Variants in IQSEC1 observed in about 807,000 individuals in gnomAD.
IQSEC1 encodes IQ motif and SEC7 domain-containing protein 1.
IQSEC1 carries 31 observed loss-of-function variants against 91.0 expected under a neutral mutation model. That is an observed-to-expected ratio of 0.34 (90% CI 0.26 to 0.46). The LOEUF is 0.46. Among genes scored for constraint, IQSEC1 ranks in the 20% least tolerant of loss-of-function variants. The probability of loss-of-function intolerance (pLI) is 1.00; values close to 1 mark genes in which losing one functional copy is unlikely to be tolerated. For missense variants in IQSEC1, 1,388 were observed against 1,575.6 expected (o/e 0.88, Z 2.02); for synonymous variants, 699 against 662.6 (o/e 1.05, Z -0.84).
intron 2 of IQSEC1, among the ~76,000 whole-genome samples, chr3:13,143,762 ACACT>A (rs907744225): frequency 1.2e-4 from 18 of 152,314 alleles, no homozygotes; most frequent in Admixed American, 9.2e-4. Flanking sequence ...CCTGAGCATG[ACACT>A]CACACTGAGG....
intron 1 of IQSEC1, among the ~76,000 whole-genome samples, chr3:13,031,716 G>A (rs141871052): frequency 5.3e-5 from 8 of 151,920 alleles, no homozygotes; most frequent in African/African-American, 1.7e-4. Context: ...GCAAATTAAT[G>A]AGATAATTTC....
intron 6 of IQSEC1, among the ~76,000 whole-genome samples, chr3:12,919,769 C>T (rs1189764165): frequency 6.6e-6 from 1 of 152,228 alleles, no homozygotes; most frequent in Non-Finnish European, 1.5e-5. Flanking sequence ...TCCGGGGACC[C>T]TGGGGCACAC....
At chr3:13,114,563 A>T (rs1706304456) in intron 2 of IQSEC1, among the ~76,000 whole-genome samples, 1 of 152,200 alleles carries the variant, frequency 6.6e-6, no homozygotes, top group African/African-American at 2.4e-5. Context: ...AGGCAGAGGC[A>T]GGTGGATCAC....
intron 1 of IQSEC1, among the ~76,000 whole-genome samples, chr3:13,046,793 C>G (rs1158790393): frequency 6.6e-6 from 1 of 152,130 alleles, no homozygotes; most frequent in African/African-American, 2.4e-5. Flanking sequence ...GCACAGATGT[C>G]CCCTCCTCCC....
intron 3 of IQSEC1, among the ~76,000 whole-genome samples, chr3:12,933,824 T>C (rs73813736): frequency 2.4e-4 from 37 of 152,394 alleles, no homozygotes; most frequent in African/African-American, 7.9e-4. Flanking sequence ...CTGCAAGGCA[T>C]GCATTTTCTG....
intron 2 of IQSEC1, among the ~76,000 whole-genome samples, chr3:13,155,183 CAAT>C (rs1707065357): frequency 6.6e-6 from 1 of 151,938 alleles, no homozygotes; most frequent in Non-Finnish European, 1.5e-5. Flanking sequence ...AAACAAATAA[CAAT>C]AATAAATCCA....
chr3:13,051,325 C>T (rs939417601), intron 1 of IQSEC1, among the ~76,000 whole-genome samples: 1 of 152,218 alleles, frequency 6.6e-6, no homozygotes, highest in Non-Finnish European at 1.5e-5. Flanking sequence ...TCAGAACCAA[C>T]TGGTTGCCCC....
chr3:13,150,351 G>C (rs983506510), intron 2 of IQSEC1, among the ~76,000 whole-genome samples: 10 of 152,180 alleles, frequency 6.6e-5, no homozygotes, highest in Admixed American at 6.5e-4. Context: ...CCTGATCTTT[G>C]CCTTCATTCT....
chr3:12,962,747 T>A lies in IQSEC1; in HGVS notation c.24-20882A>T, dbSNP rs576835264. Among the ~76,000 whole-genome samples, 4 of 152,364 alleles carry A rather than the reference T, an allele frequency of 2.6e-5. No homozygotes were observed. The South Asian group carries it at 8.3e-4, about 32-fold the overall frequency. On this transcript the variant is annotated intron_variant, in intron 1 of 13. Transcript: ENST00000613206. ...CACAAGCATGCTACCCTCAAGAGCC[T>A]GCAAGTGCAAAGGACACTGTCCCAG...
chr3:13,278,875 T>C (rs1401043078), intron 1 of IQSEC1, among the ~76,000 whole-genome samples: 1 of 152,068 alleles, frequency 6.6e-6, no homozygotes, highest in Non-Finnish European at 1.5e-5. Flanking sequence ...AGCCAGACCA[T>C]CTGAGTACAA....
chr3:13,274,476 C>G (rs113216592), intron 1 of IQSEC1, among the ~76,000 whole-genome samples: 1 of 152,248 alleles, frequency 6.6e-6, no homozygotes, highest in African/African-American at 2.4e-5. Context: ...TGGTTCTCCA[C>G]GGGTGTGACG....
chr3:13,080,090 C>A (rs939642464), intron 2 of IQSEC1, among the ~76,000 whole-genome samples: 5 of 152,208 alleles, frequency 3.3e-5, no homozygotes, highest in Admixed American at 1.3e-4. Flanking sequence ...AGTCATGAGA[C>A]AACCTGCCAG....
intron 1 of IQSEC1, among the ~76,000 whole-genome samples, chr3:13,170,370 T>C (rs1693583744): frequency 6.6e-6 from 1 of 152,262 alleles, no homozygotes; most frequent in African/African-American, 2.4e-5. Context: ...AGGGCCCTCA[T>C]GCAGAACCTC....
Position 13,282,359 on chromosome 3 carries a change from C to G in IQSEC1, c.272+352G>C, listed in dbSNP as rs1261812432. ...AGTTCTCGCCCTGCTGCTCCGAGAC[C>G]TAGGTCCGCTCCCCGGACAGACCTC... On this transcript the variant is annotated intron_variant, in intron 1 of 15. Coordinates refer to the IQSEC1 transcript ENST00000648114. The surrounding 1 kb of genome is among the most constrained non-coding windows in gnomAD (Gnocchi z 6.4). Among the ~76,000 whole-genome samples, 1 of 152,152 alleles carries G rather than the reference C, an allele frequency of 6.6e-6. No individual in the cohort carries two copies. Among genetic ancestry groups the G allele is most frequent in the African/African-American group, 2.4e-5 (1 of 41,456 alleles).
In IQSEC1 at chr3:13,165,535, G is replaced by GGTGT. The variant is rs1470204790; in HGVS notation, c.273-1403_273-1402insACAC. On this transcript the variant is annotated intron_variant, in intron 1 of 15. Transcript: ENST00000648114. ...GCGGGGGGGTGGGGGGTGGGGGGGTGGCGTGTGTGTGTGTGTGTGTGTGTG... is the reference window on the plus strand; with the variant it reads ...GCGGGGGGGTGGGGGGTGGGGGGGTGGTGTGCGTGTGTGTGTGTGTGTGTGTGTG... Among the ~76,000 whole-genome samples, 89 of 88,982 alleles carry GGTGT rather than the reference G, an allele frequency of 1.0e-3. 4 individuals carry two copies. The highest frequency in any genetic ancestry group is 1.1e-3 in the African/African-American group (24 of 21,604). The allele number at this position is 88,982 out of a possible 152,430, so 58.4% of individuals were successfully genotyped here.
chr3:13,016,891 C>T (rs190941977), intron 1 of IQSEC1, among the ~76,000 whole-genome samples: 16 of 152,290 alleles, frequency 1.1e-4, no homozygotes, highest in Admixed American at 9.2e-4. Flanking sequence ...AAAAGAACCC[C>T]TCCCCAGCCC....
At chr3:13,158,649 C>T (rs1363169579) in intron 2 of IQSEC1, among the ~76,000 whole-genome samples, 4 of 152,108 alleles carry the variant, frequency 2.6e-5, no homozygotes, top group Admixed American at 6.5e-5. Flanking sequence ...GACGGGGAGG[C>T]GACCTACATG....
chr3:13,005,758 G>A (rs2124870190), intron 1 of IQSEC1, among the ~76,000 whole-genome samples: 1 of 152,344 alleles, frequency 6.6e-6, no homozygotes, highest in South Asian at 2.1e-4. Flanking sequence ...TAGGGACGGG[G>A]AATGGAAATG....
chr3:13,049,681 T>G (rs918200094), intron 1 of IQSEC1, among the ~76,000 whole-genome samples: 2 of 152,176 alleles, frequency 1.3e-5, no homozygotes, highest in African/African-American at 4.8e-5. Context: ...CTTTCTTCCT[T>G]CTTCCTTTCC....
Sources: allele counts gnomAD v4.1 joint callset (sites outside exome capture counted in the v4.1 genomes callset), GRCh38; gene constraint gnomAD v4.1.1; non-coding constraint Gnocchi (gnomAD v3.1); transcripts MANE v1.5; gene names NCBI Gene and HGNC (gene_info 2026-07-23, HGNC 2026-07-21).